The following AVPI1 variants were observed in gnomAD, a reference collection of about 807,000 sequenced individuals.
The protein encoded by AVPI1 is arginine vasopressin-induced protein 1.
In AVPI1, 9 loss-of-function variants were observed where a neutral mutation model predicts 11.9. The observed-to-expected ratio is 0.76, with a 90% CI of 0.46 to 1.32. AVPI1 has a LOEUF of 1.32. Among genes scored for constraint, AVPI1 ranks in the 40% most tolerant of loss-of-function variants. AVPI1 has a pLI of 0.00. For missense variants in AVPI1, 207 were observed against 195.8 expected (o/e 1.06, Z -0.34); for synonymous variants, 68 against 78.1 (o/e 0.87, Z 0.68).
intron 1 of AVPI1, among the ~76,000 whole-genome samples, chr10:97,682,627 C>T (rs572198008): frequency 3.4e-4 from 51 of 152,094 alleles, no homozygotes; most frequent in African/African-American, 1.2e-3. Flanking sequence ...TGGCCTTCTC[C>T]GCTCCTCACC....
At chr10:97,682,754 T>C (rs1019229709) in intron 1 of AVPI1, among the ~76,000 whole-genome samples, 1 of 152,226 alleles carries the variant, frequency 6.6e-6, no homozygotes, top group African/African-American at 2.4e-5. Flanking sequence ...ACAATAAAGC[T>C]GCAGAAGACT....
rs540211631 is a variant in AVPI1, at chr10:97,681,747, G to A, written c.-10-1832C>T. Among the ~76,000 whole-genome samples, 6 of 148,880 alleles carry A rather than the reference G, an allele frequency of 4.0e-5. No individual in the cohort carries two copies. In the South Asian group the frequency reaches 1.1e-3, roughly 26 times the overall value. ...CAAAAAATTAGCCGGGCGCGGTGGCGGGCGCCTGTAGTCCCAGCTACTCGG... is the reference window on the plus strand; with the variant it reads ...CAAAAAATTAGCCGGGCGCGGTGGCAGGCGCCTGTAGTCCCAGCTACTCGG... On this transcript the variant is annotated intron_variant, in intron 1 of 2. Transcript: ENST00000370626.
At chr10:97,681,252 T>C (rs1474659719) in intron 1 of AVPI1, among the ~76,000 whole-genome samples, 2 of 152,148 alleles carry the variant, frequency 1.3e-5, no homozygotes, top group African/African-American at 4.8e-5. Context: ...TAAAATTATA[T>C]CAGTTACCCA....
intron 2 of AVPI1, among the ~76,000 whole-genome samples, chr10:97,679,089 T>TG (rs979785347): frequency 7.0e-6 from 1 of 143,862 alleles, no homozygotes; most frequent in African/African-American, 2.5e-5. Context: ...CTCAGGCATC[T>TG]CTTTCCATGG....
intron 1 of AVPI1, among the ~76,000 whole-genome samples, chr10:97,685,829 C>T (rs2041726053): frequency 6.6e-6 from 1 of 152,174 alleles, no homozygotes; most frequent in Admixed American, 6.5e-5. Context: ...GAACTGGGCC[C>T]TTTCCCCAGA....
chr10:97,681,411 C>T (rs1261690137), intron 1 of AVPI1, among the ~76,000 whole-genome samples: 8 of 151,866 alleles, frequency 5.3e-5, no homozygotes, highest in African/African-American at 1.9e-4. Context: ...TGAGAAACTC[C>T]GTCTCTACTA....
intron 2 of AVPI1, among the ~76,000 whole-genome samples, chr10:97,679,110 G>A (rs1357978413): frequency 6.9e-6 from 1 of 145,052 alleles, no homozygotes; most frequent in Non-Finnish European, 1.5e-5. Flanking sequence ...GAGTTCACAG[G>A]GTTGTATATG....
Position 97,677,914 on chromosome 10 carries a change from C to T in AVPI1, c.399G>A (p.Trp133Ter), listed in dbSNP as rs774414600. 2.5e-6 allele frequency: 4 copies of T among 1,614,068 alleles called. No homozygotes were observed. In the African/African-American group the frequency reaches 4.0e-5, roughly 16 times the overall value. ...GGTAGCTTGTGGGGCCTGACTTCCTCCAGTTCCGGCGGATCCTGGCACTTT... is the reference window on the plus strand; with the variant it reads ...GGTAGCTTGTGGGGCCTGACTTCCTTCAGTTCCGGCGGATCCTGGCACTTT... ...RKKSARIRRNWRKSGPTSYLH... is the reference protein window; with the variant it reads ...RKKSARIRRN Residue 133 changes from tryptophan (W) to a stop codon, truncating the protein, a stop_gained, in exon 3 of 3, where the codon TGG becomes TGA. Coordinates refer to ENST00000370626, the MANE Select transcript of AVPI1 (RefSeq NM_021732.3). LOFTEE classifies it high-confidence loss of function.
At chr10:97,679,506 G>A in intron 2 of AVPI1, 113 bp downstream of exon 2, 1 of 1,311,938 alleles carries the variant, frequency 7.6e-7, no homozygotes, top group Non-Finnish European at 1.0e-6. Context: ...CACCCCAATG[G>A]TGGGCAGGCA....
At chr10:97,684,672 G>A (rs1024147335) in intron 1 of AVPI1, among the ~76,000 whole-genome samples, 10 of 151,722 alleles carry the variant, frequency 6.6e-5, no homozygotes, top group African/African-American at 2.2e-4. Context: ...ACTAATTTTT[G>A]TATTTTTAGT....
At chr10:97,684,123 T>C (rs1212422933) in intron 1 of AVPI1, among the ~76,000 whole-genome samples, 1 of 152,158 alleles carries the variant, frequency 6.6e-6, no homozygotes, top group Non-Finnish European at 1.5e-5. Flanking sequence ...GGTTAGCATC[T>C]GGTAGAAAAC....
intron 2 of AVPI1, among the ~76,000 whole-genome samples, chr10:97,678,481 T>C (rs1184217443): frequency 6.6e-6 from 1 of 152,146 alleles, no homozygotes; most frequent in Non-Finnish European, 1.5e-5. Context: ...TAGTGATTGG[T>C]TGAGGCCAAG....
intron 1 of AVPI1, among the ~76,000 whole-genome samples, chr10:97,680,884 A>C (rs1409042680): frequency 6.6e-6 from 1 of 152,246 alleles, no homozygotes; most frequent in East Asian, 1.9e-4. Flanking sequence ...TGTCAAGGGC[A>C]GAGACTGAAA....
intron 2 of AVPI1, among the ~76,000 whole-genome samples, chr10:97,678,755 A>G (rs1046576328): frequency 4.6e-5 from 7 of 151,350 alleles, no homozygotes; most frequent in Non-Finnish European, 7.4e-5. Context: ...TGACAGGATC[A>G]TAGCTTACTG....
At chr10:97,678,880 GGTGTGT>G (rs1255604041) in intron 2 of AVPI1, among the ~76,000 whole-genome samples, 1 of 113,440 alleles carries the variant, frequency 8.8e-6, no homozygotes, top group Non-Finnish European at 1.8e-5. Flanking sequence ...GCGGGGGGAG[GGTGTGT>G]GTGTGTGTGT....
chr10:97,679,943 T>C (rs1002647732), intron 1 of AVPI1, 28 bp from the exon 2 acceptor site: 1 of 1,506,310 alleles, frequency 6.6e-7, no homozygotes, highest in African/African-American at 1.4e-5. Context: ...GGAGACATCA[T>C]CAACTCAGCT....
At chr10:97,682,659 C>G (rs2041710638) in intron 1 of AVPI1, among the ~76,000 whole-genome samples, 1 of 152,054 alleles carries the variant, frequency 6.6e-6, no homozygotes, top group African/African-American at 2.4e-5. Context: ...CCTCATTATC[C>G]CAATCATTTC....
chr10:97,683,361 G>C (rs1050087718), intron 1 of AVPI1, among the ~76,000 whole-genome samples: 1 of 152,160 alleles, frequency 6.6e-6, no homozygotes, highest in Admixed American at 6.5e-5. Flanking sequence ...GTTTCACCAT[G>C]TTGGTCAGGC....
rs530388580 is a variant in AVPI1 at position 97,679,838 on chromosome 10, C to T, written c.68G>A (p.Arg23His). The T allele has an allele frequency of 5.1e-5, 82 of 1,607,692 alleles. No individual in the cohort carries two copies. Among genetic ancestry groups the T allele is most frequent in the East Asian group, 4.9e-4 (22 of 44,630 alleles). ...GAAGATGTTGGCCGAGGCCTGCTTGCGGCCCCGGGCCTCAATCGGGGCCTG... is the reference window on the plus strand; with the variant it reads ...GAAGATGTTGGCCGAGGCCTGCTTGTGGCCCCGGGCCTCAATCGGGGCCTG... ...PWQAPIEARG[R>H]KQASANIFQD... Residue 23 changes from arginine (R) to histidine (H), a missense_variant, in exon 2 of 3, where the codon CGC becomes CAC. Coordinates refer to ENST00000370626, the MANE Select transcript of AVPI1 (RefSeq NM_021732.3).
Sources: allele counts gnomAD v4.1 joint callset (sites outside exome capture counted in the v4.1 genomes callset), GRCh38; gene constraint gnomAD v4.1.1; transcripts MANE v1.5; gene names NCBI Gene and HGNC (gene_info 2026-07-23, HGNC 2026-07-21).